ATXN1: variants seen among roughly 807,000 people sequenced by gnomAD.
The protein encoded by ATXN1 is ataxin-1.
A neutral mutation model predicts 56.4 loss-of-function variants in ATXN1; 8 were observed. That is an observed-to-expected ratio of 0.14 (90% CI 0.08 to 0.26). The LOEUF (loss-of-function observed/expected upper bound fraction) is 0.26, where lower values mean the gene tolerates loss of function less well. Ranked by LOEUF, ATXN1 falls within the 10% of genes least tolerant of loss-of-function variation. The pLI is 1.00. For synonymous variants in ATXN1, 514 were observed against 494.6 expected (o/e 1.04, Z -0.52); for missense variants, 987 against 1,106.5 (o/e 0.89, Z 1.53).
chr6:16,442,151 G>T (rs1200551136), intron 6 of ATXN1, among the ~76,000 whole-genome samples: 2 of 152,176 alleles, frequency 1.3e-5, no homozygotes, highest in Non-Finnish European at 2.9e-5. Context: ...CAAGAGCCAG[G>T]CTTCATGCTA....
Position 16,622,497 on chromosome 6 carries a change from A to G in ATXN1, c.-489+35279T>C, listed in dbSNP as rs577143504. ...AACTGACAAAATTAGTATCGAACAC[A>G]GGAAGTACTAATTAGAATCTTGACT... On this transcript the variant is annotated intron_variant, in intron 3 of 7. Coordinates refer to ENST00000436367, the MANE Select transcript of ATXN1 (RefSeq NM_001128164.2). Among the ~76,000 whole-genome samples the G allele has an allele frequency of 3.7e-4, 56 of 152,344 alleles. No individual in the cohort carries two copies. In the South Asian group the frequency reaches 7.3e-3, roughly 20 times the overall value.
At position 16,414,002 on chromosome 6, in the gene ATXN1, T is replaced by C. The variant is rs758486737; in HGVS notation, c.-161+71970A>G. On this transcript the variant is annotated intron_variant, in intron 6 of 7. Coordinates refer to ENST00000436367, the MANE Select transcript of ATXN1 (RefSeq NM_001128164.2). ...TACTTGGGGTTTTGAAAATGGAACA[T>C]TGATTGTTTGTAAAAGTGATGCTTA... Among the ~76,000 whole-genome samples, 50 of 152,196 alleles carry C rather than the reference T, an allele frequency of 3.3e-4. 1 individual carries two copies. The highest frequency in any genetic ancestry group is 2.9e-3 in the Admixed American group (44 of 15,282).
At chr6:16,683,663 T>TTG (rs1758859235) in intron 2 of ATXN1, among the ~76,000 whole-genome samples, 1 of 152,206 alleles carries the variant, frequency 6.6e-6, no homozygotes, top group Admixed American at 6.5e-5. Flanking sequence ...ATATGAGTCC[T>TTG]TAAAAACAGA....
intron 2 of ATXN1, among the ~76,000 whole-genome samples, chr6:16,696,251 A>G (rs1476373514): frequency 2.6e-5 from 4 of 152,200 alleles, no homozygotes; most frequent in Non-Finnish European, 5.9e-5. Context: ...GTTTACAGAT[A>G]TAGGCAAATA....
chr6:16,615,992 G>C (rs181851164), intron 3 of ATXN1: 1 of 151,656 alleles, frequency 6.6e-6, no homozygotes, highest in Non-Finnish European at 1.5e-5. Context: ...AAGATCGTGC[G>C]CCACTGCACT....
intron 6 of ATXN1, among the ~76,000 whole-genome samples, chr6:16,437,088 T>C (rs1759409629): frequency 6.6e-6 from 1 of 152,096 alleles, no homozygotes; most frequent in Non-Finnish European, 1.5e-5. Flanking sequence ...TGAAGGCAGT[T>C]AAGAGACAGT....
chr6:16,602,457 T>C (rs1762928582), intron 3 of ATXN1, among the ~76,000 whole-genome samples: 1 of 145,554 alleles, frequency 6.9e-6, no homozygotes, highest in African/African-American at 2.5e-5. Flanking sequence ...CCAAAATTCT[T>C]TTTTTTTTTT....
chr6:16,432,006 T>C (rs1759294829), intron 6 of ATXN1, among the ~76,000 whole-genome samples: 1 of 152,150 alleles, frequency 6.6e-6, no homozygotes, highest in East Asian at 1.9e-4. Context: ...CATGTGAGGG[T>C]ATCCAGAGAG....
chr6:16,708,827 A>C (rs1759463903), intron 2 of ATXN1, among the ~76,000 whole-genome samples: 1 of 152,156 alleles, frequency 6.6e-6, no homozygotes, highest in African/African-American at 2.4e-5. Flanking sequence ...GGAGTTCAAG[A>C]CCAGCCTGGC....
At chr6:16,727,188 T>C (rs1007118882) in intron 2 of ATXN1, among the ~76,000 whole-genome samples, 2 of 152,224 alleles carry the variant, frequency 1.3e-5, no homozygotes, top group Non-Finnish European at 2.9e-5. Flanking sequence ...ATTAAGATGA[T>C]TAAAGTTCAA....
At chr6:16,700,837 C>A (rs1216146229) in intron 2 of ATXN1, among the ~76,000 whole-genome samples, 1 of 152,106 alleles carries the variant, frequency 6.6e-6, no homozygotes. Flanking sequence ...TGTGAGTTTT[C>A]ACCTCATTTC....
chr6:16,479,286 C>A (rs1393327871), intron 6 of ATXN1, among the ~76,000 whole-genome samples: 6 of 152,172 alleles, frequency 3.9e-5, no homozygotes, highest in African/African-American at 1.4e-4. Flanking sequence ...ACCTCAAAAT[C>A]ATTTTATACT....
At chr6:16,706,084 T>A (rs1759400206) in intron 2 of ATXN1, among the ~76,000 whole-genome samples, 1 of 152,096 alleles carries the variant, frequency 6.6e-6, no homozygotes, top group Admixed American at 6.6e-5. Context: ...ATCCATATAA[T>A]ACTATTTTGC....
intron 5 of ATXN1, among the ~76,000 whole-genome samples, chr6:16,515,413 C>G (rs1761162878): frequency 6.6e-6 from 1 of 152,172 alleles, no homozygotes; most frequent in Admixed American, 6.5e-5. Flanking sequence ...CTCCTCCCTC[C>G]CTACCACTAC....
chr6:16,626,219 G>C (rs1055529185), intron 3 of ATXN1, among the ~76,000 whole-genome samples: 5 of 152,170 alleles, frequency 3.3e-5, no homozygotes. Flanking sequence ...ATCTGAAAAG[G>C]CTATTAAAAT....
In ATXN1 at chr6:16,678,021, C is replaced by G. The variant is rs547301252; in HGVS notation, c.-614-20120G>C. Among the ~76,000 whole-genome samples the G allele has an allele frequency of 2.6e-5, 4 of 152,282 alleles. No homozygotes were observed. The East Asian group carries it at 7.7e-4, about 29-fold the overall frequency. On this transcript the variant is annotated intron_variant, in intron 2 of 7. Coordinates refer to ENST00000436367, the MANE Select transcript of ATXN1 (RefSeq NM_001128164.2). ...GCTGCTCTAGCCAAAATGTTTTTAG[C>G]ACAAAATTCTAGCAATAACCTCAGA...
intron 2 of ATXN1, among the ~76,000 whole-genome samples, chr6:16,670,030 C>CAG (rs773790688): frequency 6.6e-6 from 1 of 152,026 alleles, no homozygotes; most frequent in Non-Finnish European, 1.5e-5. Flanking sequence ...GGTGGGCGCT[C>CAG]AGAGAGACTC....
At chr6:16,572,730 T>C (rs747435443) in intron 4 of ATXN1, among the ~76,000 whole-genome samples, 5 of 152,202 alleles carry the variant, frequency 3.3e-5, no homozygotes, top group Non-Finnish European at 4.4e-5. Flanking sequence ...CACTAGGTGA[T>C]ATTATCTACG....
At position 16,327,939 on chromosome 6, in the gene ATXN1, C is replaced by A; in HGVS notation, c.372G>T (p.Pro124=). ...AGGACCCAATGAACTGGAAGGTGTG[C>A]GGCAGGTGAGCGTACTGCACGGGGG... ...PVSPVQYAHL[P]HTFQFIGSSQ... is the part of the protein sequence containing the mutation. The change falls in exon 7 of 8, where the codon CCG becomes CCT. Residue 124 remains proline (P), a synonymous_variant. Transcript: ENST00000436367. 6.2e-7 allele frequency: 1 copy of A among 1,611,762 alleles called. No homozygotes were observed. The highest frequency in any genetic ancestry group is 8.5e-7 in the Non-Finnish European group (1 of 1,179,912).
Sources: gnomAD v4.1 joint callset for allele counts (sites outside exome capture counted in the v4.1 genomes callset) on GRCh38, gnomAD v4.1.1 for gene constraint, MANE v1.5 for transcripts, NCBI Gene and HGNC (gene_info 2026-07-23, HGNC 2026-07-21) for gene names.